Variants in XRCC3 observed in about 807,000 individuals in gnomAD.
The protein encoded by XRCC3 is DNA repair protein XRCC3.
XRCC3 carries 34 observed loss-of-function variants against 29.2 expected under a neutral mutation model. The observed-to-expected ratio is 1.16, with a 90% CI of 0.88 to 1.55. The LOEUF is 1.55. Among genes scored for constraint, XRCC3 ranks in the 40% most tolerant of loss-of-function variants. XRCC3 has a pLI of 0.00. For synonymous variants in XRCC3, 223 were observed against 211.3 expected, an observed-to-expected ratio of 1.06 and a Z score of -0.48; for missense variants, 463 against 467.6, an observed-to-expected ratio of 0.99 and a Z score of 0.09.
At chr14:103,708,718 C>T (rs2083527672) in intron 4 of XRCC3, 59 bp from the exon 5 acceptor site, 1 of 1,609,668 alleles carries the variant, frequency 6.2e-7, no homozygotes. Context: ...CAGGGCAACA[C>T]AGTGACAAAA....
At chr14:103,699,701 A>G (rs935325311) in intron 7 of XRCC3, 125 bp from the exon 8 acceptor site, 17 of 885,184 alleles carry the variant, frequency 1.9e-5, no homozygotes, top group Non-Finnish European at 2.9e-5. Context: ...CACAGTGCCC[A>G]TACTCTGTAG....
At position 103,698,669 on chromosome 14, in the gene XRCC3, G is replaced by A. The variant is rs552955847; in HGVS notation, c.*129C>T. 7 of 830,336 alleles carry A rather than the reference G, an allele frequency of 8.4e-6. No homozygotes were observed. Among genetic ancestry groups the A allele is most frequent in the African/African-American group, 3.4e-5 (2 of 59,152 alleles). 51.4% of individuals were successfully genotyped at this position (830,336 alleles called of 1,614,324 possible). A position where few individuals can be genotyped will look rare whatever the true frequency, so the allele number is the denominator to read the frequency against. On this transcript the variant is annotated 3_prime_UTR_variant, in exon 10 of 10. Coordinates refer to ENST00000555055, the MANE Select transcript of XRCC3 (RefSeq NM_005432.4). The stretch of plus-strand genomic sequence containing the variant: ...CATCTTCGGATGAGAAAGTGGAGCC[G>A]CTGCCCTGGAAGAGCTGTGTCTGAA...
At chr14:103,704,314 T>A (rs1426214037) in intron 6 of XRCC3, 1 of 152,222 alleles carries the variant, frequency 6.6e-6, no homozygotes, top group Non-Finnish European at 1.5e-5. Context: ...TGGGTAGGGT[T>A]TCCTTTTGGG....
intron 5 of XRCC3, chr14:103,707,461 C>T (rs1002756852): frequency 1.7e-5 from 10 of 580,886 alleles, no homozygotes; most frequent in African/African-American, 1.5e-4. Flanking sequence ...CAGGGATCCC[C>T]CTATGGGGCA....
At chr14:103,711,709 G>A (rs898979208) in intron 2 of XRCC3, 142 bp from the exon 3 acceptor site, 1 of 456,238 alleles carries the variant, frequency 2.2e-6, no homozygotes, top group East Asian at 7.0e-5. Context: ...GCCTCTCCCA[G>A]GAAGGGAGCT....
intron 5 of XRCC3, 80 bp from the exon 6 acceptor site, chr14:103,707,295 C>T (rs924787649): frequency 9.9e-6 from 15 of 1,507,782 alleles, no homozygotes; most frequent in Admixed American, 2.0e-5. Context: ...CATGGTCAGC[C>T]TGCCTGTGCC....
At chr14:103,714,524 C>G (rs570093448) in intron 1 of XRCC3, among the ~76,000 whole-genome samples, 1 of 151,670 alleles carries the variant, frequency 6.6e-6, no homozygotes, top group East Asian at 1.9e-4. Context: ...GCGGTCCCAG[C>G]TACTTGAGAG....
At chr14:103,706,848 T>G in intron 6 of XRCC3, 155 bp downstream of exon 6, 1 of 902,168 alleles carries the variant, frequency 1.1e-6, no homozygotes, top group African/African-American at 1.6e-5. Context: ...CTCCCTGTTC[T>G]GGAAGGAGCG....
At chr14:103,701,213 G>C (rs1371525013) in intron 7 of XRCC3, 1 of 1,550,480 alleles carries the variant, frequency 6.4e-7, no homozygotes, top group Non-Finnish European at 8.7e-7. Flanking sequence ...ACCCCGACCT[G>C]GCCCCGCTCC....
At chr14:103,706,287 T>G (rs1567057837) in intron 6 of XRCC3, 2 of 455,202 alleles carry the variant, frequency 4.4e-6, no homozygotes, top group African/African-American at 4.0e-5. Context: ...GCTGGGCCTG[T>G]GGGTCCAGGG....
In XRCC3 at chr14:103,703,328, C is replaced by T. The variant is rs766997079; in HGVS notation, c.407-1G>A. The T allele has an allele frequency of 1.3e-6, 2 of 1,547,356 alleles. No homozygotes were observed. Among genetic ancestry groups the T allele is most frequent in the Non-Finnish European group, 1.7e-6 (2 of 1,149,786 alleles). On this transcript the variant is annotated splice_acceptor_variant, in intron 6 of 9. Coordinates refer to ENST00000555055, the MANE Select transcript of XRCC3 (RefSeq NM_005432.4). LOFTEE classifies it high-confidence loss of function. The stretch of plus-strand genomic sequence containing the variant: ...TCTTCCGTGCAGATGTAGACGGCTC[C>T]TGGGAAGCAAGAGTGCCTGATGTGC...
In XRCC3 at chr14:103,703,235, C is replaced by G. The variant is rs1595655750; in HGVS notation, c.499G>C (p.Gly167Arg). The G allele has an allele frequency of 6.4e-7, 1 of 1,566,574 alleles. No individual in the cohort carries two copies. Among genetic ancestry groups the G allele is most frequent in the Non-Finnish European group, 8.6e-7 (1 of 1,156,136 alleles). Reference sequence around the variant, plus strand: ...AATCGGAGCTTCTGAAGCAGCTCTCCTGGAACGTCAGTGCGCAGCCGCGGC... The same window carrying G: ...AATCGGAGCTTCTGAAGCAGCTCTCGTGGAACGTCAGTGCGCAGCCGCGGC... ...QQPRLRTDVP[G>R]ELLQKLRFGS... Residue 167 changes from glycine to arginine, a missense_variant, in exon 7 of 10, where the codon GGA becomes CGA. By Grantham distance (125) the Gly-to-Arg change is moderately radical. Transcript: ENST00000555055.
chr14:103,699,183 G>A lies in XRCC3; in HGVS notation c.775-4C>T, dbSNP rs757909834. 6.4e-7 allele frequency: 1 copy of A among 1,560,926 alleles called. No individual in the cohort carries two copies. The highest frequency in any genetic ancestry group is 1.2e-5 in the South Asian group (1 of 86,124). On this transcript the variant is annotated splice_polypyrimidine_tract_variant and splice_region_variant and intron_variant, in intron 8 of 9. Transcript: ENST00000555055. ...GCTCCTCCATGGCCTCTGTCACCTG[G>A]AAGAGCACAGTCCAGGTCAGCTGCA...
At position 103,699,563 on chromosome 14, in the gene XRCC3, T is replaced by A. The variant is rs1003268022; in HGVS notation, c.575A>T (p.Glu192Val). The A allele has an allele frequency of 9.3e-6, 15 of 1,612,800 alleles. No individual in the cohort carries two copies. The Admixed American group carries it at 2.2e-4, about 23-fold the overall frequency. The part of the protein sequence containing the change: ...EHVADVDTLL[E>V]CVNKKVPVLL... ...TACGGGGACCTTCTTATTCACACAC[T>A]CCAACAAGGTGTCCTGTGGGGACAG... The change falls in exon 8 of 10, where the codon GAG (glutamate) becomes GTG (valine). Residue 192 changes from glutamate to valine, a missense_variant. Coordinates refer to ENST00000555055, the MANE Select transcript of XRCC3 (RefSeq NM_005432.4).
At chr14:103,708,800 C>G in intron 4 of XRCC3, 141 bp from the exon 5 acceptor site, 1 of 1,115,622 alleles carries the variant, frequency 9.0e-7, no homozygotes. Context: ...GGGACCGGAT[C>G]CCCTGCTCCC....
intron 7 of XRCC3, chr14:103,701,177 C>G: frequency 1.9e-6 from 3 of 1,550,584 alleles, no homozygotes; most frequent in Non-Finnish European, 2.6e-6. Flanking sequence ...CGGCCCAGCC[C>G]TGACCTTCTA....
At chr14:103,710,926 G>T in intron 4 of XRCC3, 107 bp downstream of exon 4, 1 of 1,097,648 alleles carries the variant, frequency 9.1e-7, no homozygotes, top group Non-Finnish European at 1.4e-6. Context: ...TTAATAATCA[G>T]GGTAGGCAAA....
At position 103,708,673 on chromosome 14, in the gene XRCC3, GATAAATTACAGGAAA is replaced by G. The variant is rs939456652; in HGVS notation, c.56-29_56-15del. ...ATTTCAGTTTGGCTGAAATAACACAGATAAATTACAGGAAAATGTCAGACTGTCACAACGCAGGGC... is the reference window on the plus strand; with the variant it reads ...ATTTCAGTTTGGCTGAAATAACACAGATGTCAGACTGTCACAACGCAGGGC... On this transcript the variant is annotated splice_polypyrimidine_tract_variant and intron_variant, in intron 4 of 9. Transcript: ENST00000555055. The G allele has an allele frequency of 6.2e-7, 1 of 1,613,952 alleles. No individual in the cohort carries two copies. Among genetic ancestry groups the G allele is most frequent in the African/African-American group, 1.3e-5 (1 of 74,928 alleles).
chr14:103,700,671 C>T, intron 7 of XRCC3: 1 of 1,607,642 alleles, frequency 6.2e-7, no homozygotes, highest in Non-Finnish European at 8.5e-7. Context: ...TCTGGCCGAG[C>T]CTCTTTTTGT....
Sources: allele counts gnomAD v4.1 joint callset (sites outside exome capture counted in the v4.1 genomes callset), GRCh38; gene constraint gnomAD v4.1.1; transcripts MANE v1.5; gene names NCBI Gene and HGNC (gene_info 2026-07-23, HGNC 2026-07-21).